The following TTLL5 variants were observed in gnomAD, a reference collection of about 807,000 sequenced individuals.
TTLL5 encodes tubulin polyglutamylase TTLL5.
In TTLL5, 132 loss-of-function variants were observed where a neutral mutation model predicts 168.4. The ratio of observed to expected loss-of-function variants is 0.78; its 90% CI spans 0.68 to 0.91. The LOEUF (loss-of-function observed/expected upper bound fraction) is 0.91. TTLL5 is among the 40% of genes least tolerant of loss of function. The pLI is 0.00. For synonymous variants in TTLL5, 546 were observed against 558.6 expected (o/e 0.98, Z 0.32); for missense variants, 1,545 against 1,581.5 (o/e 0.98, Z 0.39).
chr14:75,862,327 C>A (rs1426439555), intron 28 of TTLL5, among the ~76,000 whole-genome samples: 1 of 152,136 alleles, frequency 6.6e-6, no homozygotes, highest in African/African-American at 2.4e-5. Context: ...GATTTCAATT[C>A]TTTTCTGTAT....
intron 6 of TTLL5, 112 bp downstream of exon 6, chr14:75,690,434 A>G: frequency 2.3e-6 from 3 of 1,318,832 alleles, no homozygotes; most frequent in South Asian, 1.7e-5. Context: ...ATCCTTAGAC[A>G]ACTGTGACTC....
chr14:75,719,918 A>G (rs1051951853), intron 11 of TTLL5, 92 bp downstream of exon 11: 1 of 1,317,830 alleles, frequency 7.6e-7, no homozygotes, highest in African/African-American at 1.5e-5. Flanking sequence ...TTGCTTTGAT[A>G]GTGTTGCTGA....
chr14:75,860,295 G>T (rs576898048), intron 28 of TTLL5, among the ~76,000 whole-genome samples: 1 of 152,264 alleles, frequency 6.6e-6, no homozygotes, highest in Non-Finnish European at 1.5e-5. Context: ...AAGGGGCCTG[G>T]TTTGGTTTCA....
At chr14:75,825,818 C>G (rs920086608) in intron 28 of TTLL5, among the ~76,000 whole-genome samples, 3 of 152,106 alleles carry the variant, frequency 2.0e-5, no homozygotes, top group African/African-American at 7.2e-5. Flanking sequence ...AAAACGATTT[C>G]TCCAGTACAT....
chr14:75,699,548 T>C (rs996474312), intron 7 of TTLL5, among the ~76,000 whole-genome samples: 5 of 152,226 alleles, frequency 3.3e-5, no homozygotes, highest in Non-Finnish European at 7.3e-5. Flanking sequence ...CCTTTTCTGC[T>C]TTTAGCATAT....
At chr14:75,924,188 G>A (rs1334194231) in intron 31 of TTLL5, among the ~76,000 whole-genome samples, 1 of 151,154 alleles carries the variant, frequency 6.6e-6, no homozygotes, top group Non-Finnish European at 1.5e-5. Context: ...TTGCCAGTTC[G>A]TGTCTTTCAA....
rs543299665 is a variant in TTLL5 at position 75,716,612 on chromosome 14, T to TC, written c.741-1248dup. On this transcript the variant is annotated intron_variant, in intron 9 of 31. Coordinates refer to ENST00000298832, the MANE Select transcript of TTLL5 (RefSeq NM_015072.5). ...TAAACTTGTGGCCTTCTTTTTTTTT[T>TC]CACACACTTGGATATGCCTCTTGGG... 8.2e-4 allele frequency among the ~76,000 whole-genome samples: 125 copies of TC among 152,292 alleles called. 1 individual carries two copies. In the East Asian group the frequency reaches 0.018, roughly 22 times the overall value.
At chr14:75,790,476 T>C (rs1191389540) in intron 26 of TTLL5, among the ~76,000 whole-genome samples, 1 of 151,790 alleles carries the variant, frequency 6.6e-6, no homozygotes, top group Non-Finnish European at 1.5e-5. Flanking sequence ...TTTTTTCTTT[T>C]TTTTTTTTAA....
chr14:75,910,444 G>T (rs554163545), intron 31 of TTLL5, among the ~76,000 whole-genome samples: 6 of 152,296 alleles, frequency 3.9e-5, no homozygotes, highest in African/African-American at 1.4e-4. Flanking sequence ...GCATAAGGCT[G>T]CCCTTCTTTC....
intron 31 of TTLL5, among the ~76,000 whole-genome samples, chr14:75,932,252 A>C (rs1307781880): frequency 6.6e-6 from 1 of 152,194 alleles, no homozygotes; most frequent in Non-Finnish European, 1.5e-5. Flanking sequence ...ATTCTACTTC[A>C]TTCATCCAGA....
intron 31 of TTLL5, among the ~76,000 whole-genome samples, chr14:75,949,349 A>AAT (rs911364353): frequency 3.4e-5 from 5 of 148,946 alleles, no homozygotes; most frequent in African/African-American, 9.8e-5. Context: ...ACGCTTTAAG[A>AAT]ATATATATAT....
intron 27 of TTLL5, among the ~76,000 whole-genome samples, chr14:75,803,488 C>T (rs1241927384): frequency 6.6e-6 from 1 of 152,196 alleles, no homozygotes; most frequent in Non-Finnish European, 1.5e-5. Flanking sequence ...AAAATCTGTG[C>T]AAGCACGTGT....
chr14:75,952,314 A>C (rs768635787), intron 31 of TTLL5, among the ~76,000 whole-genome samples: 1 of 151,886 alleles, frequency 6.6e-6, no homozygotes, highest in Non-Finnish European at 1.5e-5. Context: ...ATCTGCACCA[A>C]AAAAAAGAAA....
chr14:75,889,972 G>A (rs1160449206), intron 30 of TTLL5, among the ~76,000 whole-genome samples: 2 of 151,842 alleles, frequency 1.3e-5, no homozygotes, highest in African/African-American at 2.4e-5. Flanking sequence ...TGTACTCAAA[G>A]GTAAATTCAT....
At chr14:75,689,271 C>T in intron 5 of TTLL5, 1 of 152,368 alleles carries the variant, frequency 6.6e-6, no homozygotes, top group Admixed American at 6.5e-5. Context: ...GACTGCAGTG[C>T]TGGCCAGTAT....
At chr14:75,887,038 C>A in intron 30 of TTLL5, 1 of 1,287,574 alleles carries the variant, frequency 7.8e-7, no homozygotes, top group South Asian at 1.9e-5. Flanking sequence ...AGATGACCTT[C>A]TTTACCCTGG....
intron 31 of TTLL5, among the ~76,000 whole-genome samples, chr14:75,918,492 G>C (rs548230435): frequency 6.6e-6 from 1 of 152,210 alleles, no homozygotes; most frequent in South Asian, 2.1e-4. Context: ...CCCCAGTCCT[G>C]TCTACTAGTA....
chr14:75,851,532 G>C (rs1896854545), intron 28 of TTLL5, among the ~76,000 whole-genome samples: 2 of 152,074 alleles, frequency 1.3e-5, no homozygotes, highest in Non-Finnish European at 2.9e-5. Context: ...CTTCTCTCTG[G>C]TAATCAGCAT....
In TTLL5 at chr14:75,733,395, T is replaced by A. The variant is rs376590380; in HGVS notation, c.1125-594T>A. Among the ~76,000 whole-genome samples the A allele has an allele frequency of 1.4e-4, 22 of 152,232 alleles. No homozygotes were observed. The East Asian group carries it at 1.9e-3, about 13-fold the overall frequency. ...AGGGAGGCCTCTTGCTTTTGGTCGA[T>A]GTTGTTTTTGTTTTCATGTGGGTTC... On this transcript the variant is annotated intron_variant, in intron 13 of 31. Transcript: ENST00000298832.
Sources: gnomAD v4.1 joint callset for allele counts (sites outside exome capture counted in the v4.1 genomes callset) on GRCh38, gnomAD v4.1.1 for gene constraint, MANE v1.5 for transcripts, NCBI Gene and HGNC (gene_info 2026-07-23, HGNC 2026-07-21) for gene names.